The following STARD9 variants were observed in gnomAD, a reference collection of about 807,000 sequenced individuals.
The protein encoded by STARD9 is stAR-related lipid transfer protein 9.
In STARD9, 346 loss-of-function variants were observed where a neutral mutation model predicts 399.8. That is an observed-to-expected ratio of 0.87 (90% confidence interval 0.79 to 0.95). The LOEUF (loss-of-function observed/expected upper bound fraction) is 0.95. Ranked by LOEUF, STARD9 falls within the 40% of genes least tolerant of loss-of-function variation. The probability of loss-of-function intolerance (pLI) is 0.00; values close to 1 mark genes in which losing one functional copy is unlikely to be tolerated. For synonymous variants in STARD9, 2,203 were observed against 2,143.5 expected, an observed-to-expected ratio of 1.03 and a Z score of -0.77; for missense variants, 5,832 against 5,667.5, an observed-to-expected ratio of 1.03 and a Z score of -0.93.
At position 42,682,134 on chromosome 15, in the gene STARD9, G is replaced by C. The variant is rs1237268332; in HGVS notation, c.2096G>C (p.Trp699Ser). The C allele has an allele frequency of 6.5e-7, 1 of 1,537,196 alleles. No individual in the cohort carries two copies. The highest frequency in any genetic ancestry group is 2.0e-5 in the Admixed American group (1 of 51,010). ...CAGTGTCTGCTCAGAGAAGAGACCT[G>C]GCTGGCCAGCTTGCAACAGCAGCAG... ...NQQCLLREET[W>S]LASLQQQQQE... Residue 699 changes from tryptophan (W) to serine (S), a missense_variant, in exon 22 of 33, where the codon TGG (tryptophan) becomes TCG (serine). Physicochemically the swap from Trp to Ser is radical, Grantham distance 177 (BLOSUM62 -3). Coordinates refer to ENST00000290607, the MANE Select transcript of STARD9 (RefSeq NM_020759.3).
rs905471495 is a variant in STARD9, at chr15:42,690,770, C to A, written c.9192C>A (p.Asp3064Glu). The A allele has an allele frequency of 7.8e-6, 12 of 1,537,262 alleles. No individual in the cohort carries two copies. The highest frequency in any genetic ancestry group is 1.0e-5 in the Non-Finnish European group (12 of 1,146,910). Residue 3064 changes from aspartate (D) to glutamate (E), a missense_variant, in exon 23 of 33, where the codon GAC (aspartate) becomes GAA (glutamate). This residue lies in a region of STARD9 where 5,828 missense variants were observed against 5,651.1 expected (regional missense o/e 1.03). Coordinates refer to ENST00000290607, the MANE Select transcript of STARD9 (RefSeq NM_020759.3). ...AQGCRSPSAP[D>E]VRTGSFSHSA... ...GCTGCAGATCCCCTTCTGCTCCTGA[C>A]GTGAGGACAGGTTCCTTCAGCCACT...
chr15:42,585,598 A>C lies in STARD9; in HGVS notation c.195A>C (p.Ser65=). The change falls in exon 3 of 33, where the codon TCA becomes TCC. Residue 65 remains serine (S), a synonymous_variant. Transcript: ENST00000290607. ...TTGGCTTTGATTACTGCTACTGGTC[A>C]GTCAACCCAGAGGATCCCCAGTATG... ...MAFGFDYCYW[S]VNPEDPQYAS... 1 of 1,537,170 alleles carries C rather than the reference A, an allele frequency of 6.5e-7. No homozygotes were observed. Among genetic ancestry groups the C allele is most frequent in the Non-Finnish European group, 8.7e-7 (1 of 1,146,830 alleles).
chr15:42,661,944 A>G lies in STARD9; in HGVS notation c.770+719A>G, dbSNP rs1475837546. 2.6e-5 allele frequency among the ~76,000 whole-genome samples: 4 copies of G among 152,128 alleles called. No individual in the cohort carries two copies. In the East Asian group the frequency reaches 7.7e-4, roughly 29 times the overall value. On this transcript the variant is annotated intron_variant, in intron 10 of 32. Coordinates refer to ENST00000290607, the MANE Select transcript of STARD9 (RefSeq NM_020759.3). The stretch of plus-strand genomic sequence containing the variant: ...TTAGTACAACTTTTCTCTTTGATTT[A>G]ATATTGATTTTATTTTTTCTTTAAT...
rs115549874 is a variant in STARD9 at position 42,665,910 on chromosome 15, G to C, written c.1317+62G>C. 1.1e-5 allele frequency: 15 copies of C among 1,397,934 alleles called. No homozygotes were observed. The South Asian group carries it at 1.4e-4, about 13-fold the overall frequency. The allele number at this position is 1,397,934 out of a possible 1,614,324, so 86.6% of individuals were successfully genotyped here. A position where few individuals can be genotyped will look rare whatever the true frequency, so the allele number is the denominator to read the frequency against. On this transcript the variant is annotated intron_variant, in intron 15 of 32. Coordinates refer to ENST00000290607, the MANE Select transcript of STARD9 (RefSeq NM_020759.3). The stretch of plus-strand genomic sequence containing the variant: ...CACCTGGGAGCTCCTCCATTATTCC[G>C]GAGCTAGGTAGGGTTGCTCCCTTGG...
At chr15:42,615,605 T>C (rs1187402608) in intron 3 of STARD9, among the ~76,000 whole-genome samples, 1 of 151,500 alleles carries the variant, frequency 6.6e-6, no homozygotes, top group African/African-American at 2.4e-5. Context: ...AATGTGTGTG[T>C]TTATGATTAT....
At chr15:42,653,446 AAAAT>A (rs1384544748) in intron 9 of STARD9, among the ~76,000 whole-genome samples, 1 of 151,996 alleles carries the variant, frequency 6.6e-6, no homozygotes, top group Non-Finnish European at 1.5e-5. Flanking sequence ...GACTCCAAGT[AAAAT>A]AAACACAAAG....
Position 42,687,633 on chromosome 15 carries a change from G to A in STARD9, c.6055G>A (p.Glu2019Lys), listed in dbSNP as rs748753061. 2.6e-6 allele frequency: 4 copies of A among 1,537,068 alleles called. No homozygotes were observed. The highest frequency in any genetic ancestry group is 2.4e-5 in the East Asian group (1 of 40,918). The change falls in exon 23 of 33, where the codon GAA becomes AAA. Residue 2019 changes from glutamate (E) to lysine (K), a missense_variant. By Grantham distance (56) the Glu-to-Lys change is moderately conservative. Transcript: ENST00000290607. ...VACPQERNPS[E>K]CKSQEMLNPN... Reference sequence around the variant, plus strand: ...ATGCCCTCAGGAAAGAAACCCCAGTGAATGCAAGTCACAAGAAATGTTAAA... The same window carrying A: ...ATGCCCTCAGGAAAGAAACCCCAGTAAATGCAAGTCACAAGAAATGTTAAA...
chr15:42,598,606 T>C (rs1257275954), intron 3 of STARD9, among the ~76,000 whole-genome samples: 1 of 152,200 alleles, frequency 6.6e-6, no homozygotes, highest in Non-Finnish European at 1.5e-5. Context: ...TTTTTATTGA[T>C]ATACATATTT....
intron 26 of STARD9, among the ~76,000 whole-genome samples, chr15:42,715,303 G>A (rs2061329835): frequency 1.3e-5 from 2 of 152,206 alleles, no homozygotes; most frequent in African/African-American, 4.8e-5. Context: ...TCAGAAGTCA[G>A]TGAGAAGTGG....
At position 42,684,852 on chromosome 15, in the gene STARD9, C is replaced by A; in HGVS notation, c.3274C>A (p.His1092Asn). 1 of 1,537,142 alleles carries A rather than the reference C, an allele frequency of 6.5e-7. No homozygotes were observed. The highest frequency in any genetic ancestry group is 8.7e-7 in the Non-Finnish European group (1 of 1,146,912). ...PLTDFSPVMDHSREKDNDLSD... is the reference protein window; with the variant it reads ...PLTDFSPVMDNSREKDNDLSD... ...CACAGATTTCAGCCCAGTAATGGAT[C>A]ATTCAAGAGAAAAAGACAATGATTT... is the stretch of plus-strand genomic sequence containing the variant. The change falls in exon 23 of 33, where the codon CAT becomes AAT. Residue 1092 changes from histidine (H) to asparagine (N), a missense_variant. By Grantham distance (68) the His-to-Asn change is moderately conservative. Around this residue, in one of 2 missense-constraint regions of STARD9, gnomAD observed 5,828 missense variants for 5,651.1 expected, o/e 1.03. Coordinates refer to ENST00000290607, the MANE Select transcript of STARD9 (RefSeq NM_020759.3).
chr15:42,671,741 A>G (rs2060206720), intron 16 of STARD9: 1 of 152,168 alleles, frequency 6.6e-6, no homozygotes, highest in African/African-American at 2.4e-5. Context: ...TGAATTGAAG[A>G]ATAAAGGATT....
chr15:42,618,244 T>A (rs1007016522), intron 3 of STARD9, among the ~76,000 whole-genome samples: 7 of 152,040 alleles, frequency 4.6e-5, no homozygotes, highest in Non-Finnish European at 7.4e-5. Context: ...TTGATCCTCT[T>A]GCCTCAGCCT....
chr15:42,637,306 G>A (rs2059438399), intron 4 of STARD9, among the ~76,000 whole-genome samples: 1 of 152,086 alleles, frequency 6.6e-6, no homozygotes, highest in South Asian at 2.1e-4. Flanking sequence ...TCTGCCTCCT[G>A]GGTTCAAGTG....
At position 42,693,489 on chromosome 15, in the gene STARD9, A is replaced by G. The variant is rs2060766663; in HGVS notation, c.11911A>G (p.Ser3971Gly). 2 of 1,537,136 alleles carry G rather than the reference A, an allele frequency of 1.3e-6. No homozygotes were observed. The highest frequency in any genetic ancestry group is 1.2e-5 in the South Asian group (1 of 84,064). The stretch of plus-strand genomic sequence containing the variant: ...GAGAGGTAGAAGTTCCTTACAAAGG[A>G]GTAATGGGAGATCCTTCCTTGAGTT... ...SQRGRSSLQR[S>G]NGRSFLELHS... Residue 3971 changes from serine (S) to glycine (G), a missense_variant, in exon 23 of 33, where the codon AGT becomes GGT. By Grantham distance (56) the Ser-to-Gly change is moderately conservative (BLOSUM62 0). Around this residue, in one of 2 missense-constraint regions of STARD9, gnomAD observed 5,828 missense variants for 5,651.1 expected, o/e 1.03. Coordinates refer to ENST00000290607, the MANE Select transcript of STARD9 (RefSeq NM_020759.3).
intron 3 of STARD9, among the ~76,000 whole-genome samples, chr15:42,624,751 G>T (rs1156550099): frequency 2.0e-5 from 3 of 152,072 alleles, no homozygotes; most frequent in Non-Finnish European, 4.4e-5. Context: ...GTTTCGCCAT[G>T]TTGGCCAGAC....
In STARD9 at chr15:42,581,167, G is replaced by A. The variant is rs1409315885; in HGVS notation, c.48-2179G>A. The A allele has an allele frequency of 4.1e-5, 31 of 758,964 alleles. No homozygotes were observed. In the East Asian group the frequency reaches 7.2e-4, roughly 18 times the overall value. 47.0% of individuals were successfully genotyped at this position (758,964 alleles called of 1,614,324 possible). On this transcript the variant is annotated intron_variant, in intron 1 of 32. Coordinates refer to ENST00000290607, the MANE Select transcript of STARD9 (RefSeq NM_020759.3). ...ACTGAGCATCACCCCCCAGCTGCAT[G>A]TTTCCTGTCATGATTGTTCAAGTTG...
intron 3 of STARD9, among the ~76,000 whole-genome samples, chr15:42,591,042 T>C (rs2058382409): frequency 1.3e-5 from 2 of 152,364 alleles, no homozygotes; most frequent in Non-Finnish European, 2.9e-5. Context: ...GTTAGTCATC[T>C]AGGCCAGAGT....
At chr15:42,706,820 T>C (rs1212030922) in intron 26 of STARD9, among the ~76,000 whole-genome samples, 1 of 152,226 alleles carries the variant, frequency 6.6e-6, no homozygotes, top group Non-Finnish European at 1.5e-5. Context: ...ATTCCTACTT[T>C]ATAGCATATT....
intron 3 of STARD9, among the ~76,000 whole-genome samples, chr15:42,594,284 G>A (rs957759170): frequency 6.6e-6 from 1 of 152,188 alleles, no homozygotes; most frequent in Admixed American, 6.5e-5. Context: ...TACCTCATGG[G>A]CATTCCACAT....
Sources: gnomAD v4.1 joint callset for allele counts (sites outside exome capture counted in the v4.1 genomes callset) on GRCh38, gnomAD v4.1.1 for gene constraint, gnomAD v4.1.1 regional missense constraint, MANE v1.5 for transcripts, NCBI Gene and HGNC (gene_info 2026-07-23, HGNC 2026-07-21) for gene names.